COPZ1: variants seen among roughly 807,000 people sequenced by gnomAD.
COPZ1 encodes coatomer subunit zeta-1.
A neutral mutation model predicts 31.7 loss-of-function variants in COPZ1; 4 were observed. The ratio of observed to expected loss-of-function variants is 0.13; its 90% CI spans 0.06 to 0.29. COPZ1 has a LOEUF of 0.29. Among genes scored for constraint, COPZ1 ranks in the 10% least tolerant of loss-of-function variants. COPZ1 has a pLI of 1.00. For synonymous variants in COPZ1, 74 were observed against 79.0 expected (o/e 0.94, Z 0.33); for missense variants, 156 against 211.5 (o/e 0.74, Z 1.63).
chr12:54,339,373 G>A (rs1348418098), intron 1 of COPZ1, among the ~76,000 whole-genome samples: 1 of 151,986 alleles, frequency 6.6e-6, no homozygotes, highest in African/African-American at 2.4e-5. Context: ...TTAGAGATGG[G>A]GTTTCACTCT....
chr12:54,345,588 G>A, intron 5 of COPZ1, 73 bp downstream of exon 5: 1 of 1,213,794 alleles, frequency 8.2e-7, no homozygotes. Flanking sequence ...TTCTTTTTGG[G>A]AGATAAAGTA....
chr12:54,339,980 C>CGTGTGTGTGTGT (rs10522684), intron 1 of COPZ1, among the ~76,000 whole-genome samples: 17 of 142,164 alleles, frequency 1.2e-4, no homozygotes, highest in African/African-American at 3.4e-4. Flanking sequence ...TGTGCCTGTG[C>CGTGTGTGTGTGT]GTGTGTGTGT....
rs60827109 is a variant in COPZ1, at chr12:54,326,961, C to CTTTTTTTTTTTTTTTTTTTTTTTTTTT, written c.18+1791_18+1817dup. On this transcript the variant is annotated intron_variant, in intron 1 of 8. Coordinates refer to ENST00000262061, the MANE Select transcript of COPZ1 (RefSeq NM_016057.3). ...CTGTACCAAGCAGTTAACAAGTATT[C>CTTTTTTTTTTTTTTTTTTTTTTTTTTT]TTTTTTTTTTTTTTTTTTTTTTTTT... Among the ~76,000 whole-genome samples the CTTTTTTTTTTTTTTTTTTTTTTTTTTT allele has an allele frequency of 6.9e-5, 3 of 43,568 alleles. 1 individual carries two copies. Among genetic ancestry groups the CTTTTTTTTTTTTTTTTTTTTTTTTTTT allele is most frequent in the Non-Finnish European group, 1.3e-4 (3 of 22,526 alleles). The allele number at this position is 43,568 out of a possible 152,430, so 28.6% of individuals were successfully genotyped here. A position where few individuals can be genotyped will look rare whatever the true frequency, so the allele number is the denominator to read the frequency against.
intron 2 of COPZ1, among the ~76,000 whole-genome samples, chr12:54,341,788 T>G (rs1334131595): frequency 6.6e-6 from 1 of 152,210 alleles, no homozygotes; most frequent in Non-Finnish European, 1.5e-5. Context: ...TTCCTCAGCT[T>G]CATACAGTGA....
chr12:54,343,814 T>A (rs1954013939), intron 4 of COPZ1, among the ~76,000 whole-genome samples: 1 of 152,200 alleles, frequency 6.6e-6, no homozygotes, highest in African/African-American at 2.4e-5. Context: ...TAAATAAAAA[T>A]AAGCCCCCAG....
At chr12:54,345,407 G>A in intron 4 of COPZ1, 53 bp from the exon 5 acceptor site, 2 of 1,384,776 alleles carry the variant, frequency 1.4e-6, no homozygotes, top group Non-Finnish European at 2.0e-6. Flanking sequence ...TTTTTAGGTA[G>A]CAGCTTTCAG....
rs1426950969 is a variant in COPZ1 at position 54,338,787 on chromosome 12, A to G, written c.19-1760A>G. On this transcript the variant is annotated intron_variant, in intron 1 of 8. Coordinates refer to ENST00000262061, the MANE Select transcript of COPZ1 (RefSeq NM_016057.3). ...AAAAATTGCAGTCCTCAAGAATTCA[A>G]GTAGGGAAAGCTTATGTTCCTCATC... Among the ~76,000 whole-genome samples the G allele has an allele frequency of 2.6e-5, 4 of 152,236 alleles. No homozygotes were observed. The East Asian group carries it at 7.7e-4, about 29-fold the overall frequency.
intron 8 of COPZ1, chr12:54,350,027 G>A: frequency 1.7e-6 from 1 of 596,140 alleles, no homozygotes; most frequent in East Asian, 2.8e-5. Context: ...GGCTAAGCTG[G>A]AAATGCATAT....
chr12:54,328,589 C>G (rs899346096), intron 1 of COPZ1, among the ~76,000 whole-genome samples: 7 of 152,108 alleles, frequency 4.6e-5, no homozygotes, highest in Non-Finnish European at 7.4e-5. Flanking sequence ...AAAAGAAAGT[C>G]TCTCTGTCAC....
chr12:54,350,221 C>T (rs1245778194), intron 8 of COPZ1: 3 of 700,570 alleles, frequency 4.3e-6, no homozygotes, highest in African/African-American at 3.5e-5. Context: ...CCAGTAACTC[C>T]CTTTTTTTTT....
At position 54,325,172 on chromosome 12, in the gene COPZ1, G is replaced by A. The variant is rs200166993; in HGVS notation, c.9G>A (p.Ala3=). 5.8e-6 allele frequency: 9 copies of A among 1,561,434 alleles called. No individual in the cohort carries two copies. In the African/African-American group the frequency reaches 1.1e-4, roughly 19 times the overall value. ME[A]LILEPSLYTV... ...ACCAGCTGCGGGGCAAGATGGAGGC[G>A]CTGATTTTGGTAGGAGCTGGAGGGG... The change falls in exon 1 of 9, where the codon GCG becomes GCA. Residue 3 remains alanine, a synonymous_variant. Transcript: ENST00000262061.
chr12:54,340,722 T>C (rs1953959439), intron 2 of COPZ1, 107 bp downstream of exon 2: 1 of 1,167,444 alleles, frequency 8.6e-7, no homozygotes. Flanking sequence ...TAGTATAATT[T>C]TGAGAATACT....
At chr12:54,327,957 G>A (rs1307133168) in intron 1 of COPZ1, among the ~76,000 whole-genome samples, 1 of 151,894 alleles carries the variant, frequency 6.6e-6, no homozygotes, top group Non-Finnish European at 1.5e-5. Context: ...TAGTGGGTAA[G>A]CTGGGGGAGT....
Position 54,336,491 on chromosome 12 carries a change from C to G in COPZ1, c.19-4056C>G, listed in dbSNP as rs1280076750. 3.3e-5 allele frequency among the ~76,000 whole-genome samples: 5 copies of G among 151,576 alleles called. No homozygotes were observed. The Middle Eastern group carries it at 0.017, about 523-fold the overall frequency. Reference sequence around the variant, plus strand: ...GGCGGAGCTTGCAGTGAGCTGAGATCGTGCCACTGCACTCCAGCCTGGGCG... The same window carrying G: ...GGCGGAGCTTGCAGTGAGCTGAGATGGTGCCACTGCACTCCAGCCTGGGCG... On this transcript the variant is annotated intron_variant, in intron 1 of 8. Coordinates refer to ENST00000262061, the MANE Select transcript of COPZ1 (RefSeq NM_016057.3).
At chr12:54,342,508 C>T (rs940838041) in intron 3 of COPZ1, 2 of 555,936 alleles carry the variant, frequency 3.6e-6, no homozygotes, top group East Asian at 6.1e-5. Flanking sequence ...CTGTCTAGTC[C>T]CTGGATTTAT....
At chr12:54,336,667 G>A (rs1398735020) in intron 1 of COPZ1, among the ~76,000 whole-genome samples, 3 of 151,520 alleles carry the variant, frequency 2.0e-5, no homozygotes, top group Non-Finnish European at 2.9e-5. Flanking sequence ...TTTCCCTCTA[G>A]TCCTCTATGC....
chr12:54,350,600 A>C lies in COPZ1; in HGVS notation c.*77A>C. On this transcript the variant is annotated 3_prime_UTR_variant, in exon 9 of 9. Coordinates refer to ENST00000262061, the MANE Select transcript of COPZ1 (RefSeq NM_016057.3). ...CTGTGAATTTTCATCTAGTTCCCCA[A>C]TCGATGCTCTCAGGGTCATCTCGGG... The C allele has an allele frequency of 1.8e-6, 2 of 1,135,720 alleles. No homozygotes were observed. The highest frequency in any genetic ancestry group is 2.7e-6 in the Non-Finnish European group (2 of 743,802). 70.4% of individuals were successfully genotyped at this position (1,135,720 alleles called of 1,614,324 possible).
chr12:54,335,410 A>G (rs1397119709), intron 1 of COPZ1, among the ~76,000 whole-genome samples: 1 of 147,812 alleles, frequency 6.8e-6, no homozygotes, highest in African/African-American at 2.4e-5. Flanking sequence ...GCCTTAGGGA[A>G]TGTTTTTTTT....
At chr12:54,338,970 C>G (rs1287809316) in intron 1 of COPZ1, among the ~76,000 whole-genome samples, 1 of 152,126 alleles carries the variant, frequency 6.6e-6, no homozygotes, top group Non-Finnish European at 1.5e-5. Context: ...GGGTTCTTGG[C>G]AATGATTTTT....
Sources: gnomAD v4.1 joint callset for allele counts (sites outside exome capture counted in the v4.1 genomes callset) on GRCh38, gnomAD v4.1.1 for gene constraint, MANE v1.5 for transcripts, NCBI Gene and HGNC (gene_info 2026-07-23, HGNC 2026-07-21) for gene names.